The following CADPS2 variants were observed in gnomAD, a reference collection of about 807,000 sequenced individuals.
The protein encoded by CADPS2 is calcium dependent secretion activator 2.
In CADPS2, 93 loss-of-function variants were observed where a neutral mutation model predicts 172.5. The observed-to-expected ratio is 0.54, with a 90% confidence interval of 0.46 to 0.64. The LOEUF is 0.64. Ranked by LOEUF, CADPS2 falls within the 30% of genes least tolerant of loss-of-function variation. The probability of loss-of-function intolerance (pLI) is 0.00; values close to 1 mark genes in which losing one functional copy is unlikely to be tolerated. For synonymous variants in CADPS2, 546 were observed against 555.2 expected (o/e 0.98, Z 0.23); for missense variants, 1,420 against 1,565.9 (o/e 0.91, Z 1.57).
At chr7:122,569,398 A>T (rs2066893004) in intron 7 of CADPS2, among the ~76,000 whole-genome samples, 1 of 152,048 alleles carries the variant, frequency 6.6e-6, no homozygotes, top group Non-Finnish European at 1.5e-5. Context: ...AAACAAATGG[A>T]AGACCATTCC....
chr7:122,618,283 G>C (rs1239220089), intron 5 of CADPS2, among the ~76,000 whole-genome samples: 1 of 150,628 alleles, frequency 6.6e-6, no homozygotes, highest in Non-Finnish European at 1.5e-5. Flanking sequence ...CCTTAATCCA[G>C]TAAGTATTTA....
intron 7 of CADPS2, among the ~76,000 whole-genome samples, chr7:122,560,106 A>G (rs1236931781): frequency 3.3e-5 from 5 of 152,156 alleles, no homozygotes; most frequent in African/African-American, 9.7e-5. Context: ...TGTGAGGGAC[A>G]TATCATGTTT....
At position 122,554,596 on chromosome 7, in the gene CADPS2, T is replaced by C; in HGVS notation, c.1429A>G (p.Lys477Glu). Residue 477 changes from lysine to glutamate, a missense_variant, in exon 8 of 30, where the codon AAA (lysine) becomes GAA (glutamate). By Grantham distance (56) the Lys-to-Glu change is moderately conservative (BLOSUM62 1). Transcript: ENST00000449022. ...KNSQDSDLKIKLAVRMDKPAH... is the reference protein window; with the variant it reads ...KNSQDSDLKIELAVRMDKPAH... ...GGTTTATCCATTCGCACTGCCAGTT[T>C]GATTTTTAAGTCAGAATCCTGGCTA... The C allele has an allele frequency of 1.9e-6, 3 of 1,612,272 alleles. No individual in the cohort carries two copies. Among genetic ancestry groups the C allele is most frequent in the Non-Finnish European group, 1.7e-6 (2 of 1,178,998 alleles).
At chr7:122,412,701 T>G (rs1309690642) in intron 19 of CADPS2, 1 of 152,262 alleles carries the variant, frequency 6.6e-6, no homozygotes, top group Non-Finnish European at 1.5e-5. Context: ...AATATTTTGC[T>G]GTAATAATAA....
chr7:122,710,588 C>T (rs1285535169), intron 2 of CADPS2, among the ~76,000 whole-genome samples: 1 of 152,110 alleles, frequency 6.6e-6, no homozygotes, highest in Non-Finnish European at 1.5e-5. Context: ...GCCAAGCACA[C>T]TGCTAGCTTA....
At chr7:122,631,676 G>C (rs755988113) in intron 3 of CADPS2, among the ~76,000 whole-genome samples, 4 of 148,678 alleles carry the variant, frequency 2.7e-5, no homozygotes, top group Non-Finnish European at 5.9e-5. Flanking sequence ...AGAGCACTGG[G>C]ACACTACATT....
At chr7:122,570,035 A>T (rs979098753) in intron 7 of CADPS2, among the ~76,000 whole-genome samples, 8 of 150,602 alleles carry the variant, frequency 5.3e-5, no homozygotes, top group African/African-American at 2.0e-4. Context: ...GACAAATGGG[A>T]TCTAATTAAA....
At chr7:122,513,942 C>T (rs2060173003) in intron 8 of CADPS2, among the ~76,000 whole-genome samples, 1 of 152,248 alleles carries the variant, frequency 6.6e-6, no homozygotes, top group Admixed American at 6.5e-5. Context: ...ACGAAGATGC[C>T]ATTGGGTAGT....
At chr7:122,386,849 G>T (rs533363085) in intron 24 of CADPS2, among the ~76,000 whole-genome samples, 177 bp downstream of exon 24, 1 of 152,178 alleles carries the variant, frequency 6.6e-6, no homozygotes, top group South Asian at 2.1e-4. Context: ...ATATCAAAAA[G>T]GAGAAACTGA....
At chr7:122,832,295 A>G (rs1806799625) in intron 1 of CADPS2, among the ~76,000 whole-genome samples, 1 of 151,920 alleles carries the variant, frequency 6.6e-6, no homozygotes, top group Non-Finnish European at 1.5e-5. Context: ...ACAAATACAA[A>G]AAGTGTGTAA....
At chr7:122,480,901 A>G in intron 11 of CADPS2, 41 bp from the exon 12 acceptor site, 1 of 1,484,588 alleles carries the variant, frequency 6.7e-7, no homozygotes, top group South Asian at 1.3e-5. Flanking sequence ...GCATATTTAA[A>G]TGGGTTGGGA....
intron 6 of CADPS2, among the ~76,000 whole-genome samples, chr7:122,585,973 A>C (rs1051729025): frequency 6.6e-6 from 1 of 152,002 alleles, no homozygotes; most frequent in African/African-American, 2.4e-5. Flanking sequence ...AAAGAGTCTA[A>C]GCAGAAACAT....
intron 29 of CADPS2, among the ~76,000 whole-genome samples, chr7:122,321,844 T>C (rs2150680214): frequency 6.6e-6 from 1 of 152,362 alleles, no homozygotes; most frequent in African/African-American, 2.4e-5. Flanking sequence ...ATGACTGGTA[T>C]TTTATTACTA....
intron 9 of CADPS2, among the ~76,000 whole-genome samples, chr7:122,494,489 TATAAC>T (rs2058576184): frequency 6.6e-6 from 1 of 151,950 alleles, no homozygotes; most frequent in Non-Finnish European, 1.5e-5. Flanking sequence ...ATTTCTAAGA[TATAAC>T]ATAAAGAGCA....
At chr7:122,774,269 TAC>T (rs56843003) in intron 1 of CADPS2, among the ~76,000 whole-genome samples, 14,321 of 142,788 alleles carry the variant, frequency 0.1, 930 homozygotes, top group South Asian at 0.2. Context: ...TAGATAGATA[TAC>T]ACACACACAC....
chr7:122,611,095 T>C (rs889689622), intron 6 of CADPS2, among the ~76,000 whole-genome samples: 6 of 152,152 alleles, frequency 3.9e-5, no homozygotes, highest in African/African-American at 1.4e-4. Context: ...ATAGCTGCAA[T>C]TGCCTATTTT....
intron 7 of CADPS2, among the ~76,000 whole-genome samples, chr7:122,560,549 G>A (rs2065625534): frequency 6.6e-6 from 1 of 152,110 alleles, no homozygotes; most frequent in African/African-American, 2.4e-5. Context: ...AACAGAGGAA[G>A]AAGGAACTAA....
intron 19 of CADPS2, chr7:122,409,617 C>T (rs905612022): frequency 2.1e-6 from 1 of 470,210 alleles, no homozygotes; most frequent in South Asian, 1.6e-5. Context: ...TGATGAATGC[C>T]TCTTCTCCTA....
chr7:122,738,403 T>C (rs2092296162), intron 1 of CADPS2, among the ~76,000 whole-genome samples: 2 of 133,366 alleles, frequency 1.5e-5, no homozygotes, highest in South Asian at 4.5e-4. Context: ...ATGCAGAAGC[T>C]TTTTTTTTTT....
Sources: allele counts gnomAD v4.1 joint callset (sites outside exome capture counted in the v4.1 genomes callset), GRCh38; gene constraint gnomAD v4.1.1; transcripts MANE v1.5; gene names NCBI Gene and HGNC (gene_info 2026-07-23, HGNC 2026-07-21).